Variants in SPRR2F observed in about 807,000 individuals in gnomAD.
The protein encoded by SPRR2F is small proline-rich protein 2F.
In SPRR2F, 2 loss-of-function variants were observed where a neutral mutation model predicts 0.8. The ratio of observed to expected loss-of-function variants is 2.52; its 90% confidence interval spans 1.03 to 7.95. SPRR2F has a LOEUF of 7.95. Among genes scored for constraint, SPRR2F ranks in the 30% most tolerant of loss-of-function variants. SPRR2F has a pLI of 0.04. For synonymous variants in SPRR2F, 39 were observed against 33.4 expected, an observed-to-expected ratio of 1.17 and a Z score of -0.58; for missense variants, 80 against 85.8, an observed-to-expected ratio of 0.93 and a Z score of 0.27.
chr1:153,117,554 T>C (rs12037255), upstream of SPRR2F, among the ~76,000 whole-genome samples: 4,969 of 152,122 alleles, frequency 0.033, 532 homozygotes, highest in East Asian at 0.36. Context: ...TAAATTTCAG[T>C]CTAAGTCCTT....
intron 1 of SPRR2F, 136 bp from the exon 2 acceptor site, chr1:153,112,888 G>T: frequency 2.2e-6 from 3 of 1,394,958 alleles, no homozygotes; most frequent in Non-Finnish European, 2.8e-6. Context: ...CTTTTCAAGA[G>T]TCCCTGGCTT....
rs527246625 is a variant in SPRR2F, at chr1:153,112,382, G to A, written c.*133C>T. The A allele has an allele frequency of 1.1e-5, 16 of 1,459,774 alleles. No individual in the cohort carries two copies. The highest frequency in any genetic ancestry group is 1.4e-5 in the African/African-American group (1 of 70,510). 90.4% of individuals were successfully genotyped at this position (1,459,774 alleles called of 1,614,324 possible). On this transcript the variant is annotated 3_prime_UTR_variant, in exon 2 of 2. Coordinates refer to ENST00000468739, the MANE Select transcript of SPRR2F (RefSeq NM_001014450.3). ...TTGCTATCAGAGATCATCACAGGCC[G>A]ATCACAGGCTAAGAGGAAAGAAGCT...
rs1655605458 is a variant in SPRR2F at position 153,112,331 on chromosome 1, T to C, written c.*184A>G. On this transcript the variant is annotated 3_prime_UTR_variant, in exon 2 of 2. Transcript: ENST00000468739. Reference sequence around the variant, plus strand: ...TCAGTCTCCACCTGGACAGTGGCAGTATGGCAGCCTCAAAAAGAAAACCTT... The same window carrying C: ...TCAGTCTCCACCTGGACAGTGGCAGCATGGCAGCCTCAAAAAGAAAACCTT... 10 of 1,149,300 alleles carry C rather than the reference T, an allele frequency of 8.7e-6. 1 individual carries two copies. In the East Asian group the frequency reaches 2.1e-4, roughly 24 times the overall value. The allele number at this position is 1,149,300 out of a possible 1,614,324, so 71.2% of individuals were successfully genotyped here.
chr1:153,115,712 GTCTA>G (rs138967332), upstream of SPRR2F, among the ~76,000 whole-genome samples: 1,239 of 152,024 alleles, frequency 8.2e-3, 31 homozygotes, highest in East Asian at 0.077. Flanking sequence ...ATGGGTGTGT[GTCTA>G]TCTATCTATC....
chr1:153,114,327 A>T (rs1571009495), upstream of SPRR2F, among the ~76,000 whole-genome samples: 1 of 152,086 alleles, frequency 6.6e-6, no homozygotes, highest in East Asian at 1.9e-4. Context: ...GCCATTAAGG[A>T]TGTATACTAG....
upstream of SPRR2F, among the ~76,000 whole-genome samples, chr1:153,115,465 G>A (rs149267583): frequency 3.7e-4 from 57 of 152,238 alleles, no homozygotes; most frequent in African/African-American, 1.3e-3. Context: ...CACTCAAACA[G>A]GCTGTTTATC....
upstream of SPRR2F, among the ~76,000 whole-genome samples, chr1:153,113,992 ATTTTTTTTTT>A (rs1171281660): frequency 2.5e-5 from 2 of 78,728 alleles, no homozygotes; most frequent in African/African-American, 5.1e-5. Flanking sequence ...CTGGTCCCAG[ATTTTTTTTTT>A]TTTTTTTTTT....
upstream of SPRR2F, among the ~76,000 whole-genome samples, chr1:153,116,329 G>T (rs1655721811): frequency 6.6e-6 from 1 of 152,106 alleles, no homozygotes; most frequent in African/African-American, 2.4e-5. Context: ...TGTATGAAAA[G>T]ATAAGAAATA....
chr1:153,112,382 G>C lies in SPRR2F; in HGVS notation c.*133C>G, dbSNP rs527246625. ...TTGCTATCAGAGATCATCACAGGCC[G>C]ATCACAGGCTAAGAGGAAAGAAGCT... On this transcript the variant is annotated 3_prime_UTR_variant, in exon 2 of 2. Transcript: ENST00000468739. 7.5e-6 allele frequency: 11 copies of C among 1,459,660 alleles called. No homozygotes were observed. The highest frequency in any genetic ancestry group is 2.3e-5 in the Admixed American group (1 of 43,948). The allele number at this position is 1,459,660 out of a possible 1,614,324, so 90.4% of individuals were successfully genotyped here.
chr1:153,112,670 T>G lies in SPRR2F; in HGVS notation c.64A>C (p.Lys22Gln). 3.7e-6 allele frequency: 6 copies of G among 1,612,348 alleles called. No individual in the cohort carries two copies. Among genetic ancestry groups the G allele is most frequent in the Non-Finnish European group, 5.1e-6 (6 of 1,179,828 alleles). Reference sequence around the variant, plus strand: ...GGGGGTGGACATGGCTCTGGGCACTTTGGCGCGGGGCACACAGGAGGTGGC... The same window carrying G: ...GGGGGTGGACATGGCTCTGGGCACTGTGGCGCGGGGCACACAGGAGGTGGC... ...CQPPPVCPAP[K>Q]CPEPCPPPKC... Residue 22 changes from lysine to glutamine, a missense_variant, in exon 2 of 2, where the codon AAG (lysine) becomes CAG (glutamine). By Grantham distance (53) the Lys-to-Gln change is moderately conservative. Transcript: ENST00000468739.
chr1:153,116,536 T>A (rs577310500), upstream of SPRR2F, among the ~76,000 whole-genome samples: 4 of 152,300 alleles, frequency 2.6e-5, no homozygotes, highest in South Asian at 6.2e-4. Flanking sequence ...TTTTTCCTTT[T>A]AAGCATCTCT....
chr1:153,118,425 A>G (rs1353886332), upstream of SPRR2F, among the ~76,000 whole-genome samples: 1 of 152,172 alleles, frequency 6.6e-6, no homozygotes, highest in Non-Finnish European at 1.5e-5. Flanking sequence ...ACGGAGGCAC[A>G]TTATAATCAA....
At chr1:153,112,843 C>T in intron 1 of SPRR2F, 91 bp from the exon 2 acceptor site, 4 of 1,547,864 alleles carry the variant, frequency 2.6e-6, no homozygotes, top group Non-Finnish European at 3.5e-6. Flanking sequence ...TATTATTTCT[C>T]CAATCTCCAA....
At chr1:153,119,073 C>T in the SPRR2F span, among the ~76,000 whole-genome samples, 2 of 151,902 alleles carry the variant, frequency 1.3e-5, no homozygotes, top group African/African-American at 4.8e-5. Context: ...CCCATTGTAA[C>T]CCCAAAATAA....
chr1:153,113,993 T>A (rs1012480910), upstream of SPRR2F, among the ~76,000 whole-genome samples: 2 of 55,444 alleles, frequency 3.6e-5, no homozygotes, highest in African/African-American at 1.6e-4. Context: ...TGGTCCCAGA[T>A]TTTTTTTTTT....
chr1:153,116,259 T>A (rs1404627247), upstream of SPRR2F, among the ~76,000 whole-genome samples: 2 of 152,208 alleles, frequency 1.3e-5, no homozygotes, highest in East Asian at 3.8e-4. Flanking sequence ...TTTAATATTA[T>A]TTAAAACATT....
chr1:153,118,186 G>A (rs749442157), upstream of SPRR2F, among the ~76,000 whole-genome samples: 8 of 152,040 alleles, frequency 5.3e-5, no homozygotes, highest in Non-Finnish European at 8.8e-5. Flanking sequence ...TAAATAAACT[G>A]TAGTATATCA....
upstream of SPRR2F, among the ~76,000 whole-genome samples, chr1:153,114,154 A>G (rs1269084763): frequency 1.3e-5 from 2 of 151,608 alleles, no homozygotes; most frequent in African/African-American, 4.8e-5. Flanking sequence ...CAAGCCAGAA[A>G]CTTTCTCCTC....
upstream of SPRR2F, among the ~76,000 whole-genome samples, chr1:153,116,898 G>A (rs1655731100): frequency 6.6e-6 from 1 of 151,914 alleles, no homozygotes; most frequent in Admixed American, 6.6e-5. Context: ...AAGACCAAGT[G>A]ATAATAATAG....
Sources: allele counts gnomAD v4.1 joint callset (sites outside exome capture counted in the v4.1 genomes callset), GRCh38; gene constraint gnomAD v4.1.1; transcripts MANE v1.5; gene names NCBI Gene and HGNC (gene_info 2026-07-23, HGNC 2026-07-21).